KCNH7: variants seen among roughly 807,000 people sequenced by gnomAD.
KCNH7 encodes potassium voltage-gated channel subfamily H member 7, also known as voltage-gated inwardly rectifying potassium channel KCNH7.
A neutral mutation model predicts 120.8 loss-of-function variants in KCNH7; 49 were observed. The ratio of observed to expected loss-of-function variants is 0.41; its 90% CI spans 0.32 to 0.51. The LOEUF (loss-of-function observed/expected upper bound fraction) is 0.51. Ranked by LOEUF, KCNH7 falls within the 20% of genes least tolerant of loss-of-function variation. KCNH7 has a pLI of 0.38. For missense variants in KCNH7, 1,097 were observed against 1,446.6 expected, an observed-to-expected ratio of 0.76 and a Z score of 3.92; for synonymous variants, 547 against 516.1, an observed-to-expected ratio of 1.06 and a Z score of -0.81.
intron 2 of KCNH7, among the ~76,000 whole-genome samples, chr2:162,546,102 A>G (rs1229841056): frequency 1.3e-5 from 2 of 152,212 alleles, no homozygotes; most frequent in Non-Finnish European, 2.9e-5. Context: ...AATCAGAGGC[A>G]GTCTCTTAAG....
chr2:162,409,261 G>A (rs1182899702), intron 9 of KCNH7, among the ~76,000 whole-genome samples: 1 of 151,766 alleles, frequency 6.6e-6, no homozygotes, highest in African/African-American at 2.4e-5. Flanking sequence ...GGCATGGGCT[G>A]ATACAGAAAA....
At chr2:162,568,881 A>C (rs568852047) in intron 2 of KCNH7, among the ~76,000 whole-genome samples, 1 of 152,134 alleles carries the variant, frequency 6.6e-6, no homozygotes, top group East Asian at 1.9e-4. Flanking sequence ...AAAAATGGTC[A>C]TGGTGGATAA....
chr2:162,799,013 T>C (rs1684246076), intron 2 of KCNH7, among the ~76,000 whole-genome samples: 2 of 152,190 alleles, frequency 1.3e-5, no homozygotes, highest in East Asian at 3.9e-4. Context: ...AAACTCTAAA[T>C]GGCCATTTAT....
At chr2:162,579,849 G>A (rs1490502308) in intron 2 of KCNH7, among the ~76,000 whole-genome samples, 1 of 152,040 alleles carries the variant, frequency 6.6e-6, no homozygotes, top group Non-Finnish European at 1.5e-5. Context: ...AACTGGAACT[G>A]TGGGGATGAA....
At chr2:162,591,768 T>C (rs1228774082) in intron 2 of KCNH7, among the ~76,000 whole-genome samples, 1 of 152,132 alleles carries the variant, frequency 6.6e-6, no homozygotes, top group African/African-American at 2.4e-5. Context: ...ATTTTAGAAG[T>C]AGCAAATAAT....
At chr2:162,464,621 C>A (rs191577607) in intron 6 of KCNH7, among the ~76,000 whole-genome samples, 12 of 152,054 alleles carry the variant, frequency 7.9e-5, no homozygotes, top group African/African-American at 2.6e-4. Flanking sequence ...ATAAAATATG[C>A]CAGTTTTGTT....
chr2:162,481,815 C>G (rs769890018), intron 6 of KCNH7, among the ~76,000 whole-genome samples: 5 of 152,046 alleles, frequency 3.3e-5, no homozygotes, highest in African/African-American at 1.2e-4. Context: ...GTTTATTTAG[C>G]CCAATTACCA....
chr2:162,394,527 AT>A, intron 11 of KCNH7, 42 bp from the exon 12 acceptor site: 1 of 1,126,400 alleles, frequency 8.9e-7, no homozygotes. Flanking sequence ...AGATTACTGA[AT>A]TAGAACACAA....
chr2:162,496,778 A>G (rs190078015), intron 6 of KCNH7, among the ~76,000 whole-genome samples: 33 of 152,222 alleles, frequency 2.2e-4, no homozygotes, highest in African/African-American at 7.5e-4. Flanking sequence ...TTTTAAAACC[A>G]TGAAATTATT....
intron 2 of KCNH7, among the ~76,000 whole-genome samples, chr2:162,722,734 T>A (rs572414633): frequency 8.6e-5 from 13 of 151,546 alleles, no homozygotes; most frequent in Admixed American, 3.3e-4. Flanking sequence ...ACATAATATG[T>A]GTGTATATTG....
intron 1 of KCNH7, among the ~76,000 whole-genome samples, chr2:162,837,988 T>G (rs879756731): frequency 2.6e-5 from 4 of 152,232 alleles, no homozygotes; most frequent in Non-Finnish European, 4.4e-5. Context: ...GTCATACCAC[T>G]GCTTTGCAGT....
chr2:162,398,113 A>C (rs553520196), intron 10 of KCNH7, among the ~76,000 whole-genome samples: 1 of 151,960 alleles, frequency 6.6e-6, no homozygotes, highest in Admixed American at 6.6e-5. Context: ...ATATTACTTG[A>C]TTATGTAACT....
rs577648346 is a variant in KCNH7, at chr2:162,791,212, C to T, written c.307+45325G>A. ...AGAAATTAAGTCAGGTAGCATGATG[C>T]CTCCAGCTTTGTTCTTTTTGCTTAG... On this transcript the variant is annotated intron_variant, in intron 2 of 15. Coordinates refer to ENST00000332142, the MANE Select transcript of KCNH7 (RefSeq NM_033272.4). Among the ~76,000 whole-genome samples, 93 of 152,018 alleles carry T rather than the reference C, an allele frequency of 6.1e-4. 1 individual carries two copies. The highest frequency in any genetic ancestry group is 1.4e-3 in the Admixed American group (21 of 15,256).
At chr2:162,547,119 C>A in intron 2 of KCNH7, among the ~76,000 whole-genome samples, 1 of 152,232 alleles carries the variant, frequency 6.6e-6, no homozygotes, top group Middle Eastern at 3.4e-3. Flanking sequence ...GCAGGTGAGA[C>A]AGCGCGTGTG....
chr2:162,449,223 T>A (rs184533162), intron 6 of KCNH7, among the ~76,000 whole-genome samples: 1 of 152,140 alleles, frequency 6.6e-6, no homozygotes, highest in East Asian at 1.9e-4. Flanking sequence ...TGGATAGGGA[T>A]CTCAGGCTCT....
intron 6 of KCNH7, among the ~76,000 whole-genome samples, chr2:162,465,657 G>A (rs573344314): frequency 1.4e-4 from 21 of 152,230 alleles, no homozygotes; most frequent in African/African-American, 4.6e-4. Context: ...GAGTAATGGT[G>A]CGCATTGTAT....
At chr2:162,468,078 G>T (rs1558960969) in intron 6 of KCNH7, among the ~76,000 whole-genome samples, 1 of 152,182 alleles carries the variant, frequency 6.6e-6, no homozygotes, top group South Asian at 2.1e-4. Flanking sequence ...GACTCTGTCA[G>T]AGTGTTCAGG....
chr2:162,562,388 C>G (rs1016541295), intron 2 of KCNH7, among the ~76,000 whole-genome samples: 4 of 152,024 alleles, frequency 2.6e-5, no homozygotes, highest in Admixed American at 2.6e-4. Flanking sequence ...CTTGACGGCT[C>G]CTTCTGTCTG....
At chr2:162,788,887 A>T (rs1458837949) in intron 2 of KCNH7, among the ~76,000 whole-genome samples, 6 of 151,822 alleles carry the variant, frequency 4.0e-5, no homozygotes, top group African/African-American at 1.5e-4. Flanking sequence ...ATAGAAAAGC[A>T]ACCTATAACA....
Sources: gnomAD v4.1 joint callset for allele counts (sites outside exome capture counted in the v4.1 genomes callset) on GRCh38, gnomAD v4.1.1 for gene constraint, MANE v1.5 for transcripts, NCBI Gene and HGNC (gene_info 2026-07-23, HGNC 2026-07-21) for gene names.